The following LIFR variants were observed in gnomAD, a reference collection of about 807,000 sequenced individuals.
LIFR encodes the protein leukemia inhibitory factor receptor.
A neutral mutation model predicts 122.2 loss-of-function variants in LIFR; 84 were observed. The observed-to-expected ratio is 0.69, with a 90% confidence interval of 0.58 to 0.82. The LOEUF (loss-of-function observed/expected upper bound fraction) is 0.82. Ranked by LOEUF, LIFR falls within the 40% of genes least tolerant of loss-of-function variation. The pLI is 0.00. For synonymous variants in LIFR, 422 were observed against 434.7 expected (o/e 0.97, Z 0.36); for missense variants, 1,294 against 1,311.6 (o/e 0.99, Z 0.21).
At chr5:38,572,304 T>C (rs1279651580) in intron 1 of LIFR, among the ~76,000 whole-genome samples, 3 of 151,890 alleles carry the variant, frequency 2.0e-5, no homozygotes, top group Non-Finnish European at 4.4e-5. Context: ...GAACAAGATA[T>C]ATAGAGTGAG....
At chr5:38,512,007 A>G (rs757670375) in intron 5 of LIFR, 43 bp from the exon 6 acceptor site, 6 of 1,593,574 alleles carry the variant, frequency 3.8e-6, no homozygotes, top group Middle Eastern at 1.7e-4. Context: ...CCAAGTAGCA[A>G]TATGTTTTGC....
intron 1 of LIFR, among the ~76,000 whole-genome samples, chr5:38,553,048 G>A (rs1200448349): frequency 6.6e-6 from 1 of 152,010 alleles, no homozygotes; most frequent in Non-Finnish European, 1.5e-5. Context: ...AACACATATG[G>A]GCACCAACCC....
Position 38,476,192 on chromosome 5 carries a change from C to A in LIFR, c.*5403G>T, listed in dbSNP as rs1743713168. 4.9e-6 allele frequency: 1 copy of A among 205,834 alleles called. No individual in the cohort carries two copies. The highest frequency in any genetic ancestry group is 9.9e-6 in the Non-Finnish European group (1 of 100,788). The allele number at this position is 205,834 out of a possible 1,614,324, so 12.8% of individuals were successfully genotyped here. A position where few individuals can be genotyped will look rare whatever the true frequency, so the allele number is the denominator to read the frequency against. On this transcript the variant is annotated 3_prime_UTR_variant, in exon 20 of 20. Transcript: ENST00000453190. Reference sequence around the variant, plus strand: ...ATCAAACTGGGAGAAGAATGTTTTACAAAAATTGTATGAAAACCATTATTC... The same window carrying A: ...ATCAAACTGGGAGAAGAATGTTTTAAAAAAATTGTATGAAAACCATTATTC...
At chr5:38,542,508 C>A (rs757890935) in intron 1 of LIFR, among the ~76,000 whole-genome samples, 4 of 152,114 alleles carry the variant, frequency 2.6e-5, no homozygotes, top group Non-Finnish European at 5.9e-5. Context: ...TGCTTCTAAC[C>A]GGTCTCAGGA....
Position 38,594,220 on chromosome 5 carries a change from T to A in LIFR, c.-20+1041A>T, listed in dbSNP as rs535568801. On this transcript the variant is annotated intron_variant, in intron 1 of 19. Coordinates refer to the LIFR transcript ENST00000263409. ...CTTTGTGCAAAGAAAAAAGTGTACT[T>A]TCCTCAAAACGATGGAGATGGTTAA... Among the ~76,000 whole-genome samples, 16 of 152,208 alleles carry A rather than the reference T, an allele frequency of 1.1e-4. No homozygotes were observed. The South Asian group carries it at 3.3e-3, about 32-fold the overall frequency.
rs778322701 is a variant in LIFR, at chr5:38,510,661, G to A, written c.794C>T (p.Ser265Leu). 2.5e-6 allele frequency: 4 copies of A among 1,613,720 alleles called. No individual in the cohort carries two copies. The highest frequency in any genetic ancestry group is 3.4e-6 in the Non-Finnish European group (4 of 1,179,762). Residue 265 changes from serine to leucine, a missense_variant, in exon 7 of 20, where the codon TCA becomes TTA. Transcript: ENST00000453190. ...ACTCACACAACAAAATGTTATGTCT[G>A]AGCCTACAAGTATCACTTTATCTTG... The part of the protein sequence containing the change: ...FPQDKVILVG[S>L]DITFCCVSQE...
chr5:38,531,645 AAGAT>A (rs1197084700), intron 1 of LIFR, among the ~76,000 whole-genome samples: 1 of 152,132 alleles, frequency 6.6e-6, no homozygotes, highest in Non-Finnish European at 1.5e-5. Context: ...AAATAAGAAA[AAGAT>A]TGAGTAATCT....
chr5:38,587,469 TC>T (rs1749787661), intron 1 of LIFR, among the ~76,000 whole-genome samples: 1 of 142,922 alleles, frequency 7.0e-6, no homozygotes. Flanking sequence ...AGGTAGCACT[TC>T]CGAAGGACTG....
intron 5 of LIFR, among the ~76,000 whole-genome samples, chr5:38,516,468 A>G (rs527743179): frequency 1.8e-4 from 28 of 152,354 alleles, no homozygotes; most frequent in African/African-American, 4.6e-4. Flanking sequence ...GGTCATCATC[A>G]CTGGTCATTA....
intron 15 of LIFR, among the ~76,000 whole-genome samples, 157 bp downstream of exon 15, chr5:38,490,033 G>GA (rs1409069593): frequency 7.2e-6 from 1 of 138,376 alleles, no homozygotes; most frequent in Non-Finnish European, 1.6e-5. Flanking sequence ...AGGAGGAGGA[G>GA]AAAAAAGTAG....
At chr5:38,569,228 A>C (rs1437086624) in intron 1 of LIFR, among the ~76,000 whole-genome samples, 1 of 152,230 alleles carries the variant, frequency 6.6e-6, no homozygotes, top group African/African-American at 2.4e-5. Flanking sequence ...ATCTCGAGTT[A>C]TACTCCAAAG....
chr5:38,568,845 T>A (rs146381530), intron 1 of LIFR, among the ~76,000 whole-genome samples: 1 of 152,234 alleles, frequency 6.6e-6, no homozygotes, highest in East Asian at 1.9e-4. Flanking sequence ...CTTGAGACAG[T>A]AGTTTGTCAA....
At chr5:38,559,921 A>G (rs1015056898), upstream of LIFR, among the ~76,000 whole-genome samples, 3 of 152,218 alleles carry the variant, frequency 2.0e-5, no homozygotes, top group Admixed American at 1.3e-4. Flanking sequence ...ATGCATCATT[A>G]TATAATAATG....
At chr5:38,502,081 T>C (rs1280350849) in intron 11 of LIFR, among the ~76,000 whole-genome samples, 1 of 151,944 alleles carries the variant, frequency 6.6e-6, no homozygotes, top group Non-Finnish European at 1.5e-5. Flanking sequence ...TATCGTAATA[T>C]GGTGGCAATC....
intron 1 of LIFR, among the ~76,000 whole-genome samples, chr5:38,538,381 A>T (rs565766433): frequency 6.6e-6 from 1 of 152,298 alleles, no homozygotes; most frequent in African/African-American, 2.4e-5. Context: ...TTAACCATTC[A>T]CTAGACAATT....
chr5:38,485,847 C>A lies in LIFR; in HGVS notation c.2469G>T (p.Lys823Asn). Reference sequence around the variant, plus strand: ...TTTCCTTTGTCACCACATACATACTCTTCTCCGGGCCCACTCCACCATCTG... The same window carrying A: ...TTTCCTTTGTCACCACATACATACTATTCTCCGGGCCCACTCCACCATCTG... ...AYTDGGVGPEKSMYVVTKENS... is the reference protein window; with the variant it reads ...AYTDGGVGPENSMYVVTKENS... The change falls in exon 17 of 20, where the codon AAG (lysine) becomes AAT (asparagine). Residue 823 changes from lysine to asparagine, a missense_variant. Physicochemically the swap from Lys to Asn is moderately conservative, Grantham distance 94. Transcript: ENST00000453190. 6.2e-7 allele frequency: 1 copy of A among 1,614,168 alleles called. No homozygotes were observed. The highest frequency in any genetic ancestry group is 8.5e-7 in the Non-Finnish European group (1 of 1,180,004).
chr5:38,565,923 TA>T (rs756912048), intron 1 of LIFR, among the ~76,000 whole-genome samples: 17 of 152,302 alleles, frequency 1.1e-4, no homozygotes, highest in Non-Finnish European at 1.8e-4. Flanking sequence ...AACAAATATT[TA>T]TTGAGTACTT....
At chr5:38,562,353 TC>T (rs1748869540) in intron 1 of LIFR, among the ~76,000 whole-genome samples, 1 of 152,208 alleles carries the variant, frequency 6.6e-6, no homozygotes, top group Admixed American at 6.5e-5. Context: ...TCCTGAGCAT[TC>T]TCCTCTGTCC....
At chr5:38,490,328 T>C (rs940131308) in intron 14 of LIFR, 37 bp from the exon 15 acceptor site, 7 of 886,764 alleles carry the variant, frequency 7.9e-6, no homozygotes, top group South Asian at 1.5e-5. Context: ...TTCATAAATA[T>C]ATTACTATGA....
Sources: allele counts gnomAD v4.1 joint callset (sites outside exome capture counted in the v4.1 genomes callset), GRCh38; gene constraint gnomAD v4.1.1; transcripts MANE v1.5; gene names NCBI Gene and HGNC (gene_info 2026-07-23, HGNC 2026-07-21).